Variants in HS6ST3 observed in about 807,000 individuals in gnomAD.
HS6ST3 encodes the protein heparan-sulfate 6-O-sulfotransferase 3.
In HS6ST3, 12 loss-of-function variants were observed where a neutral mutation model predicts 36.7. That is an observed-to-expected ratio of 0.33 (90% CI 0.21 to 0.53). The LOEUF is 0.53. Among genes scored for constraint, HS6ST3 ranks in the 20% least tolerant of loss-of-function variants. The pLI is 0.95. For missense variants in HS6ST3, 584 were observed against 640.9 expected, an observed-to-expected ratio of 0.91 and a Z score of 0.96; for synonymous variants, 240 against 257.5, an observed-to-expected ratio of 0.93 and a Z score of 0.65.
At chr13:96,536,034 C>T (rs551799594) in intron 1 of HS6ST3, among the ~76,000 whole-genome samples, 4 of 152,176 alleles carry the variant, frequency 2.6e-5, no homozygotes, top group Admixed American at 6.5e-5. Context: ...AATTTAAAAA[C>T]TTATAGTCAA....
At chr13:96,634,940 C>T (rs2056544255) in intron 1 of HS6ST3, among the ~76,000 whole-genome samples, 1 of 151,050 alleles carries the variant, frequency 6.6e-6, no homozygotes, top group Non-Finnish European at 1.5e-5. Context: ...ACTCACATAT[C>T]CCAAGGCCCA....
chr13:96,568,375 T>C (rs375412092), intron 1 of HS6ST3, among the ~76,000 whole-genome samples: 1 of 152,182 alleles, frequency 6.6e-6, no homozygotes, highest in African/African-American at 2.4e-5. Context: ...CAAGCGATTC[T>C]CCTTCCTCAG....
chr13:96,472,197 G>A (rs1326234298), intron 1 of HS6ST3, among the ~76,000 whole-genome samples: 1 of 152,200 alleles, frequency 6.6e-6, no homozygotes, highest in African/African-American at 2.4e-5. Flanking sequence ...TTGGGAACAA[G>A]AACCCAATCT....
In HS6ST3 at chr13:96,122,260, G is replaced by T. The variant is rs997801816; in HGVS notation, c.707+30691G>T. Among the ~76,000 whole-genome samples, 3 of 151,854 alleles carry T rather than the reference G, an allele frequency of 2.0e-5. No individual in the cohort carries two copies. The East Asian group carries it at 5.8e-4, about 29-fold the overall frequency. The stretch of plus-strand genomic sequence containing the variant: ...TGATATCAGGAGTTCTGACTCAAAA[G>T]CCTGCATGCTTAGCTATATATATTT... On this transcript the variant is annotated intron_variant, in intron 1 of 1. Transcript: ENST00000376705.
chr13:96,655,010 T>C (rs1485083976), intron 1 of HS6ST3, among the ~76,000 whole-genome samples: 1 of 152,164 alleles, frequency 6.6e-6, no homozygotes, highest in Non-Finnish European at 1.5e-5. Flanking sequence ...AGATTTTGAA[T>C]AAGGAACTTC....
chr13:96,179,232 G>A (rs1208635296), intron 1 of HS6ST3, among the ~76,000 whole-genome samples: 1 of 152,202 alleles, frequency 6.6e-6, no homozygotes, highest in African/African-American at 2.4e-5. Context: ...ATTTTTAACA[G>A]ATGGGACCCC....
intron 1 of HS6ST3, among the ~76,000 whole-genome samples, chr13:96,348,417 C>G (rs981239018): frequency 6.6e-6 from 1 of 152,160 alleles, no homozygotes; most frequent in Non-Finnish European, 1.5e-5. Context: ...GAAGGTGCCT[C>G]AAAGTACTTC....
chr13:96,365,875 A>G (rs184701416), intron 1 of HS6ST3, among the ~76,000 whole-genome samples: 2 of 152,320 alleles, frequency 1.3e-5, no homozygotes, highest in Admixed American at 1.3e-4. Context: ...TAGCTGATAC[A>G]CTTGGGTAAG....
At chr13:96,134,367 C>T (rs963979964) in intron 1 of HS6ST3, among the ~76,000 whole-genome samples, 8 of 151,090 alleles carry the variant, frequency 5.3e-5, no homozygotes, top group Non-Finnish European at 5.9e-5. Flanking sequence ...TATTTTTTTA[C>T]CCCCTCTTTT....
chr13:96,284,910 G>T (rs987596700), intron 1 of HS6ST3, among the ~76,000 whole-genome samples: 36 of 134,674 alleles, frequency 2.7e-4, no homozygotes, highest in African/African-American at 8.2e-4. Context: ...ATGCATATTT[G>T]CTTTCTTTCT....
intron 1 of HS6ST3, among the ~76,000 whole-genome samples, chr13:96,766,418 C>A (rs1213011515): frequency 6.6e-6 from 1 of 152,068 alleles, no homozygotes; most frequent in Non-Finnish European, 1.5e-5. Flanking sequence ...TTAGCTGTGT[C>A]TATTTTCCCC....
rs75116854 is a variant in HS6ST3, at chr13:96,630,048, T to A, written c.708-202442T>A. Reference sequence around the variant, plus strand: ...TTAATTTATCCTACTGAATTTTAAATGTTATTTAAAAACTTTTAATACATT... The same window carrying A: ...TTAATTTATCCTACTGAATTTTAAAAGTTATTTAAAAACTTTTAATACATT... On this transcript the variant is annotated intron_variant, in intron 1 of 1. Coordinates refer to ENST00000376705, the MANE Select transcript of HS6ST3 (RefSeq NM_153456.4). Among the ~76,000 whole-genome samples the A allele has an allele frequency of 4.1e-3, 623 of 152,318 alleles. 5 individuals carry two copies. Among genetic ancestry groups the A allele is most frequent in the East Asian group, 0.02 (105 of 5,182 alleles).
At chr13:96,408,718 GT>G (rs1176713096) in intron 1 of HS6ST3, among the ~76,000 whole-genome samples, 6 of 152,076 alleles carry the variant, frequency 3.9e-5, no homozygotes, top group African/African-American at 1.4e-4. Context: ...GAGGTCAGGA[GT>G]TTGAGACTAG....
At chr13:96,315,937 G>A (rs186533989) in intron 1 of HS6ST3, among the ~76,000 whole-genome samples, 2 of 152,226 alleles carry the variant, frequency 1.3e-5, no homozygotes, top group Admixed American at 1.3e-4. Flanking sequence ...ACACCATTGT[G>A]CAGCAAGCCA....
chr13:96,635,411 G>A (rs993205357), intron 1 of HS6ST3, among the ~76,000 whole-genome samples: 3 of 151,952 alleles, frequency 2.0e-5, no homozygotes, highest in African/African-American at 7.3e-5. Context: ...TTCTGCCTTA[G>A]CTTATGCTGC....
chr13:96,604,480 C>A (rs138996400), intron 1 of HS6ST3, among the ~76,000 whole-genome samples: 1 of 152,042 alleles, frequency 6.6e-6, no homozygotes, highest in African/African-American at 2.4e-5. Context: ...TTTATTTTAT[C>A]AGATACATTT....
intron 1 of HS6ST3, among the ~76,000 whole-genome samples, chr13:96,710,546 C>T (rs971007483): frequency 6.6e-6 from 1 of 152,250 alleles, no homozygotes; most frequent in African/African-American, 2.4e-5. Context: ...AGGCAGATAG[C>T]ACATTCTTTT....
At chr13:96,698,540 C>A (rs1875194812) in intron 1 of HS6ST3, among the ~76,000 whole-genome samples, 2 of 152,084 alleles carry the variant, frequency 1.3e-5, no homozygotes, top group Admixed American at 6.6e-5. Flanking sequence ...ACCTAGGAAT[C>A]CAACTTGCAA....
intron 1 of HS6ST3, among the ~76,000 whole-genome samples, chr13:96,473,499 C>T (rs1339575759): frequency 2.6e-5 from 4 of 152,150 alleles, no homozygotes; most frequent in African/African-American, 9.7e-5. Flanking sequence ...CACCTGATTG[C>T]CTCTGAGATG....
Sources: gnomAD v4.1 joint callset for allele counts (sites outside exome capture counted in the v4.1 genomes callset) on GRCh38, gnomAD v4.1.1 for gene constraint, MANE v1.5 for transcripts, NCBI Gene and HGNC (gene_info 2026-07-23, HGNC 2026-07-21) for gene names.